The following GLP2R variants were observed in gnomAD, a reference collection of about 807,000 sequenced individuals.
GLP2R encodes glucagon like peptide 2 receptor.
In GLP2R, 59 loss-of-function variants were observed where a neutral mutation model predicts 68.2. That is an observed-to-expected ratio of 0.87 (90% CI 0.70 to 1.07). GLP2R has a LOEUF of 1.07. GLP2R is among the 50% of genes least tolerant of loss of function. GLP2R has a pLI of 0.00. For synonymous variants in GLP2R, 270 were observed against 265.4 expected (o/e 1.02, Z -0.17); for missense variants, 548 against 677.4 (o/e 0.81, Z 2.12).
chr17:9,874,973 G>A (rs922045041), intron 10 of GLP2R, among the ~76,000 whole-genome samples: 2 of 152,144 alleles, frequency 1.3e-5, no homozygotes, highest in African/African-American at 2.4e-5. Context: ...CACTGAGAAC[G>A]TCCTCCCTCT....
intron 4 of GLP2R, among the ~76,000 whole-genome samples, chr17:9,844,542 A>G (rs1399525507): frequency 6.6e-6 from 1 of 151,872 alleles, no homozygotes; most frequent in Non-Finnish European, 1.5e-5. Flanking sequence ...GAGAGGGTAG[A>G]GCCAAGGACA....
intron 1 of GLP2R, among the ~76,000 whole-genome samples, chr17:9,828,687 G>A (rs576928110): frequency 6.6e-6 from 1 of 152,140 alleles, no homozygotes; most frequent in South Asian, 2.1e-4. Flanking sequence ...CGGGGTGTTT[G>A]AAGCCCTGTG....
intron 10 of GLP2R, among the ~76,000 whole-genome samples, chr17:9,879,708 G>A (rs1427556211): frequency 1.3e-5 from 2 of 152,156 alleles, no homozygotes; most frequent in African/African-American, 4.8e-5. Context: ...TCTTTTTTGT[G>A]TAGTCTATAT....
chr17:9,831,209 G>A (rs2066676605), intron 1 of GLP2R, among the ~76,000 whole-genome samples: 1 of 152,192 alleles, frequency 6.6e-6, no homozygotes, highest in South Asian at 2.1e-4. Flanking sequence ...CCCCTTGTGA[G>A]AAGAGAGAAA....
At chr17:9,844,048 T>C (rs1036369951) in intron 4 of GLP2R, among the ~76,000 whole-genome samples, 1 of 152,078 alleles carries the variant, frequency 6.6e-6, no homozygotes. Flanking sequence ...AGCCTAGCCC[T>C]GCAGGGTGAG....
chr17:9,865,943 A>C (rs1778202977), intron 9 of GLP2R: 1 of 470,848 alleles, frequency 2.1e-6, no homozygotes, highest in Non-Finnish European at 4.4e-6. Flanking sequence ...ACCCCAGAGA[A>C]AGGCATTAGA....
chr17:9,848,176 A>G (rs2066858719), intron 4 of GLP2R, among the ~76,000 whole-genome samples: 1 of 152,234 alleles, frequency 6.6e-6, no homozygotes, highest in Non-Finnish European at 1.5e-5. Context: ...GATCCGGTTT[A>G]TCTCAAGAAT....
At chr17:9,835,654 G>A (rs1040141826) in intron 2 of GLP2R, among the ~76,000 whole-genome samples, 1 of 152,094 alleles carries the variant, frequency 6.6e-6, no homozygotes, top group Non-Finnish European at 1.5e-5. Flanking sequence ...TCTAATTGGT[G>A]AAGGTTTGAT....
At chr17:9,832,715 A>AGTGAGG (rs1270947624) in intron 1 of GLP2R, among the ~76,000 whole-genome samples, 2 of 100,970 alleles carry the variant, frequency 2.0e-5, no homozygotes, top group East Asian at 8.6e-4. Context: ...TGGGCAACAG[A>AGTGAGG]GTGAGGAGAA....
chr17:9,882,722 G>A (rs1296944849), intron 11 of GLP2R, among the ~76,000 whole-genome samples: 1 of 152,018 alleles, frequency 6.6e-6, no homozygotes, highest in Non-Finnish European at 1.5e-5. Flanking sequence ...TTAAGCTATT[G>A]GAAACAGCAT....
At chr17:9,839,432 C>A (rs1225517999) in intron 3 of GLP2R, among the ~76,000 whole-genome samples, 1 of 151,992 alleles carries the variant, frequency 6.6e-6, no homozygotes, top group Non-Finnish European at 1.5e-5. Flanking sequence ...CCTCTCTTCC[C>A]CATCTAAGGA....
rs770460262 is a variant in GLP2R, at chr17:9,854,566, C to T, written c.576C>T (p.Ser192=). 5.0e-6 allele frequency: 8 copies of T among 1,610,686 alleles called. No individual in the cohort carries two copies. The highest frequency in any genetic ancestry group is 6.8e-6 in the Non-Finnish European group (8 of 1,176,972). The change falls in exon 5 of 13, where the codon TCC becomes TCT. Residue 192 remains serine (S), a synonymous_variant. Transcript: ENST00000262441. ...TGGGATACTCCTTCTCTCTTATCTC[C>T]CTCTTCCTGGCTCTCACCCTCCTCT... ...YTVGYSFSLI[S]LFLALTLLLF... is the part of the protein sequence containing the mutation.
chr17:9,866,298 A>T, intron 9 of GLP2R: 1 of 180,896 alleles, frequency 5.5e-6, no homozygotes, highest in Non-Finnish European at 1.2e-5. Flanking sequence ...GGAGATTCTG[A>T]CCCCTGGGGA....
chr17:9,842,327 G>A (rs2066794799), intron 3 of GLP2R, among the ~76,000 whole-genome samples, 168 bp from the exon 4 acceptor site: 1 of 152,156 alleles, frequency 6.6e-6, no homozygotes, highest in African/African-American at 2.4e-5. Context: ...AAATTGAGAA[G>A]CTTCCATGTT....
intron 3 of GLP2R, among the ~76,000 whole-genome samples, chr17:9,841,952 T>C (rs1209536184): frequency 6.6e-6 from 1 of 152,230 alleles, no homozygotes; most frequent in Non-Finnish European, 1.5e-5. Flanking sequence ...CATTTTCACA[T>C]ACACTTTCAT....
At chr17:9,833,748 GACA>G in intron 1 of GLP2R, 56 bp from the exon 2 acceptor site, 2 of 1,023,774 alleles carry the variant, frequency 2.0e-6, no homozygotes. Context: ...GGTGTGAAGT[GACA>G]ACAAGGCCAC....
intron 10 of GLP2R, among the ~76,000 whole-genome samples, chr17:9,878,128 G>A (rs76145090): frequency 0.041 from 6,309 of 152,130 alleles, 448 homozygotes; most frequent in African/African-American, 0.14. Context: ...TCTTACAAGG[G>A]CCAAGCAAGT....
intron 10 of GLP2R, among the ~76,000 whole-genome samples, chr17:9,877,435 T>A (rs2067150784): frequency 1.3e-5 from 2 of 152,294 alleles, no homozygotes; most frequent in African/African-American, 4.8e-5. Flanking sequence ...AAATTGTTAT[T>A]CTTTATAGAT....
intron 1 of GLP2R, among the ~76,000 whole-genome samples, chr17:9,831,917 C>T (rs2066683621): frequency 6.6e-6 from 1 of 152,154 alleles, no homozygotes; most frequent in East Asian, 1.9e-4. Context: ...ATGGAGAGAA[C>T]TGAGCCACAC....
Sources: gnomAD v4.1 joint callset for allele counts (sites outside exome capture counted in the v4.1 genomes callset) on GRCh38, gnomAD v4.1.1 for gene constraint, MANE v1.5 for transcripts, NCBI Gene and HGNC (gene_info 2026-07-23, HGNC 2026-07-21) for gene names.